SEMA4D: variants seen among roughly 807,000 people sequenced by gnomAD.
The protein encoded by SEMA4D is semaphorin-4D.
SEMA4D carries 22 observed loss-of-function variants against 74.8 expected under a neutral mutation model. The ratio of observed to expected loss-of-function variants is 0.29; its 90% CI spans 0.21 to 0.42. The LOEUF is 0.42. SEMA4D is among the 10% of genes least tolerant of loss of function. The pLI, the probability that SEMA4D is intolerant of heterozygous loss-of-function variation, is 1.00. For missense variants in SEMA4D, 937 were observed against 1,118.4 expected, an observed-to-expected ratio of 0.84 and a Z score of 2.31; for synonymous variants, 445 against 463.7, an observed-to-expected ratio of 0.96 and a Z score of 0.52.
intron 8 of SEMA4D, among the ~76,000 whole-genome samples, chr9:89,391,977 G>A (rs974662811): frequency 2.0e-5 from 3 of 152,312 alleles, no homozygotes; most frequent in African/African-American, 2.4e-5. Flanking sequence ...CATTGAAGAC[G>A]GACATCGGAC....
intron 2 of SEMA4D, among the ~76,000 whole-genome samples, chr9:89,446,287 C>T (rs1180566408): frequency 1.3e-5 from 2 of 152,314 alleles, no homozygotes; most frequent in East Asian, 3.9e-4. Flanking sequence ...AGTCCAGAAT[C>T]ATCTCCCCAC....
chr9:89,485,786 CT>C (rs1825137825), intron 1 of SEMA4D, among the ~76,000 whole-genome samples: 2 of 44,006 alleles, frequency 4.5e-5, no homozygotes, highest in Admixed American at 4.0e-4. Context: ...AAAACTCCAT[CT>C]CAAAAAAAAA....
intron 2 of SEMA4D, among the ~76,000 whole-genome samples, chr9:89,406,581 G>A (rs553729891): frequency 5.3e-5 from 8 of 152,332 alleles, no homozygotes; most frequent in Non-Finnish European, 7.3e-5. Context: ...GCCCAAGGGC[G>A]TCTAGCACCT....
intron 1 of SEMA4D, among the ~76,000 whole-genome samples, chr9:89,466,310 G>A (rs919799597): frequency 6.6e-6 from 1 of 152,206 alleles, no homozygotes; most frequent in African/African-American, 2.4e-5. Flanking sequence ...CTCATTTTCA[G>A]AAACGCCTTT....
chr9:89,364,094 G>A, intron 16 of SEMA4D: 2 of 1,530,056 alleles, frequency 1.3e-6, no homozygotes, highest in African/African-American at 1.4e-5. Context: ...CCCTGGGACT[G>A]CCCTGGAGGT....
chr9:89,450,063 G>A, intron 2 of SEMA4D: 1 of 1,335,192 alleles, frequency 7.5e-7, no homozygotes, highest in Non-Finnish European at 1.1e-6. Context: ...AGTGACAGAA[G>A]CCTGGAACAA....
chr9:89,465,226 G>A (rs534713998), intron 1 of SEMA4D, among the ~76,000 whole-genome samples: 3 of 152,166 alleles, frequency 2.0e-5, no homozygotes, highest in Non-Finnish European at 4.4e-5. Flanking sequence ...CCCTTAGTCC[G>A]GTGCATCCCG....
intron 2 of SEMA4D, among the ~76,000 whole-genome samples, chr9:89,409,951 A>G (rs1844152640): frequency 6.6e-6 from 1 of 152,172 alleles, no homozygotes; most frequent in African/African-American, 2.4e-5. Flanking sequence ...ATGACTCTAA[A>G]AGGATATGAA....
chr9:89,433,674 C>T (rs556560755), intron 2 of SEMA4D, among the ~76,000 whole-genome samples: 1 of 152,304 alleles, frequency 6.6e-6, no homozygotes, highest in East Asian at 1.9e-4. Context: ...AGGTTCTGCC[C>T]AAGTACAGGG....
intron 4 of SEMA4D, among the ~76,000 whole-genome samples, chr9:89,401,347 G>A (rs1000333651): frequency 6.6e-6 from 1 of 152,212 alleles, no homozygotes; most frequent in Non-Finnish European, 1.5e-5. Flanking sequence ...GTGAGCCACA[G>A]CACCCAGCCA....
chr9:89,442,397 C>G (rs1851867910), intron 2 of SEMA4D, among the ~76,000 whole-genome samples: 1 of 152,038 alleles, frequency 6.6e-6, no homozygotes, highest in East Asian at 1.9e-4. Flanking sequence ...GGCAGCTTTG[C>G]AGGAAGAATA....
chr9:89,466,880 C>T (rs1858867418), intron 1 of SEMA4D, among the ~76,000 whole-genome samples: 1 of 152,164 alleles, frequency 6.6e-6, no homozygotes, highest in Non-Finnish European at 1.5e-5. Context: ...GCTCCCTCCC[C>T]ACAGTGGTCT....
intron 1 of SEMA4D, among the ~76,000 whole-genome samples, chr9:89,462,985 A>AGGGGAGCGAGCGAGGGGAGGG (rs796527294): frequency 4.1e-5 from 5 of 122,992 alleles, no homozygotes; most frequent in Non-Finnish European, 7.7e-5. Flanking sequence ...GGAGCGAGGG[A>AGGGGAGCGAGCGAGGGGAGGG]GAAAGAGAGG....
chr9:89,433,400 GTCTCCAATCGGCAGGGAGGGC>G (rs1849696427), intron 2 of SEMA4D, among the ~76,000 whole-genome samples: 1 of 152,194 alleles, frequency 6.6e-6, no homozygotes, highest in Non-Finnish European at 1.5e-5. Flanking sequence ...GTGGGGAGGG[GTCTCCAATCGGCAGGGAGGGC>G]TCTCCAATCA....
intron 16 of SEMA4D, among the ~76,000 whole-genome samples, chr9:89,371,450 GTGTC>G (rs1156875682): frequency 5.9e-5 from 7 of 119,006 alleles, no homozygotes; most frequent in East Asian, 5.5e-4. Flanking sequence ...GGTGTGGTGT[GTGTC>G]TGGGGTGTGT....
At chr9:89,471,174 C>T (rs1011214656) in intron 1 of SEMA4D, among the ~76,000 whole-genome samples, 1 of 152,082 alleles carries the variant, frequency 6.6e-6, no homozygotes, top group Non-Finnish European at 1.5e-5. Context: ...ATAGGAGGTC[C>T]CTAGAGTAGT....
intron 1 of SEMA4D, among the ~76,000 whole-genome samples, chr9:89,479,307 G>A (rs1426575269): frequency 2.6e-5 from 4 of 152,204 alleles, no homozygotes; most frequent in Non-Finnish European, 5.9e-5. Context: ...CATCTCAGTG[G>A]CAGCAATGGC....
intron 2 of SEMA4D, chr9:89,450,402 G>A: frequency 8.3e-7 from 1 of 1,198,704 alleles, no homozygotes; most frequent in South Asian, 1.2e-5. Flanking sequence ...TACTTCAAGA[G>A]CATGTGAAGA....
intron 4 of SEMA4D, among the ~76,000 whole-genome samples, chr9:89,401,960 C>A (rs1452254274): frequency 1.3e-5 from 2 of 151,962 alleles, no homozygotes; most frequent in Admixed American, 6.6e-5. Flanking sequence ...GGAACACCTG[C>A]CTCCATGGAG....
Sources: allele counts gnomAD v4.1 joint callset (sites outside exome capture counted in the v4.1 genomes callset), GRCh38; gene constraint gnomAD v4.1.1; transcripts MANE v1.5; gene names NCBI Gene and HGNC (gene_info 2026-07-23, HGNC 2026-07-21).